Variants in CTNNA2 observed in about 807,000 individuals in gnomAD.
CTNNA2 encodes catenin alpha-2.
CTNNA2 carries 42 observed loss-of-function variants against 101.0 expected under a neutral mutation model. The ratio of observed to expected loss-of-function variants is 0.42; its 90% CI spans 0.32 to 0.54. The LOEUF (loss-of-function observed/expected upper bound fraction) is 0.54, where lower values mean the gene tolerates loss of function less well. CTNNA2 is among the 20% of genes least tolerant of loss of function. CTNNA2 has a pLI of 0.14. For missense variants in CTNNA2, 871 were observed against 1,223.1 expected (o/e 0.71, Z 4.29); for synonymous variants, 450 against 456.4 (o/e 0.99, Z 0.18).
At chr2:79,777,233 T>G (rs1253156057) in intron 3 of CTNNA2, 2 of 151,914 alleles carry the variant, frequency 1.3e-5, no homozygotes, top group Non-Finnish European at 2.9e-5. Flanking sequence ...CCTGGAAAAT[T>G]TAAGTGAAAG....
In CTNNA2 at chr2:79,847,863, C is replaced by T. The variant is rs185527656; in HGVS notation, c.299-10150C>T. 2.8e-3 allele frequency among the ~76,000 whole-genome samples: 424 copies of T among 152,220 alleles called. 4 individuals are homozygous for T. The highest frequency in any genetic ancestry group is 9.4e-3 in the African/African-American group (392 of 41,524). ...TAGATGCTAGCATGTTTGATGCTCG[C>T]GTTATCTCTGCTTGTCCAATCTAGA... On this transcript the variant is annotated intron_variant, in intron 3 of 18. Transcript: ENST00000402739.
chr2:79,829,653 G>A (rs1678752342), intron 3 of CTNNA2, among the ~76,000 whole-genome samples: 1 of 151,936 alleles, frequency 6.6e-6, no homozygotes, highest in Non-Finnish European at 1.5e-5. Context: ...TTTTAAAAAA[G>A]AGGAGTGCGT....
At chr2:79,328,713 C>T (rs1446343523) in intron 3 of CTNNA2, among the ~76,000 whole-genome samples, 1 of 152,094 alleles carries the variant, frequency 6.6e-6, no homozygotes, top group Non-Finnish European at 1.5e-5. Flanking sequence ...AAAGAAAGTC[C>T]TATTACAATG....
chr2:79,663,359 A>G (rs1682175691), intron 2 of CTNNA2, among the ~76,000 whole-genome samples: 1 of 152,230 alleles, frequency 6.6e-6, no homozygotes, highest in East Asian at 1.9e-4. Context: ...TTTTCATTGC[A>G]TTTGAGGATG....
intron 1 of CTNNA2, chr2:79,514,839 T>G (rs1375667577): frequency 3.9e-5 from 6 of 152,224 alleles, no homozygotes; most frequent in Admixed American, 1.3e-4. Flanking sequence ...AAATTAATGG[T>G]GGATTCTTTG....
At chr2:80,013,624 A>G (rs1457044244) in intron 7 of CTNNA2, among the ~76,000 whole-genome samples, 1 of 152,132 alleles carries the variant, frequency 6.6e-6, no homozygotes, top group Non-Finnish European at 1.5e-5. Flanking sequence ...TAGCACATCC[A>G]TCTAACCCTG....
At chr2:79,840,088 C>T (rs145474215) in intron 3 of CTNNA2, among the ~76,000 whole-genome samples, 2 of 152,280 alleles carry the variant, frequency 1.3e-5, no homozygotes, top group Non-Finnish European at 2.9e-5. Context: ...TCTCTACAGA[C>T]ACATGAAGAC....
intron 9 of CTNNA2, among the ~76,000 whole-genome samples, chr2:80,439,240 C>T (rs1017237979): frequency 2.6e-4 from 40 of 152,072 alleles, no homozygotes; most frequent in African/African-American, 9.4e-4. Flanking sequence ...CGACAAAGAC[C>T]GTCGGGAAAA....
At chr2:80,358,072 G>T (rs980212702) in intron 7 of CTNNA2, among the ~76,000 whole-genome samples, 12 of 152,154 alleles carry the variant, frequency 7.9e-5, no homozygotes, top group African/African-American at 2.9e-4. Flanking sequence ...GTGAACTGGG[G>T]AAACGTCTAT....
At chr2:79,649,149 C>G (rs576094420) in intron 1 of CTNNA2, 1 of 154,468 alleles carries the variant, frequency 6.5e-6, no homozygotes, top group South Asian at 2.0e-4. Flanking sequence ...TTGATGCATG[C>G]TAGATTCATG....
intron 7 of CTNNA2, among the ~76,000 whole-genome samples, chr2:79,956,854 T>C (rs12328311): frequency 1.7e-4 from 18 of 104,398 alleles, no homozygotes; most frequent in Non-Finnish European, 3.3e-4. Flanking sequence ...TTTTTTTTTT[T>C]TTTTTTTTTT....
chr2:80,632,989 G>A (rs997648610), intron 18 of CTNNA2, among the ~76,000 whole-genome samples: 2 of 152,158 alleles, frequency 1.3e-5, no homozygotes, highest in Non-Finnish European at 2.9e-5. Context: ...CCAAGACTTA[G>A]AGCCAGTTTC....
chr2:80,613,085 C>A (rs779009966), intron 17 of CTNNA2: 15 of 143,708 alleles, frequency 1.0e-4, no homozygotes, highest in Middle Eastern at 3.6e-3. Context: ...TGAGTAGTTA[C>A]CTTTTACAGA....
chr2:80,538,312 T>A (rs1031971836), intron 9 of CTNNA2, among the ~76,000 whole-genome samples: 4 of 152,218 alleles, frequency 2.6e-5, no homozygotes, highest in African/African-American at 7.2e-5. Flanking sequence ...GCCTATGTCC[T>A]GAATGGTATT....
chr2:80,310,738 G>A (rs765554189), intron 7 of CTNNA2, among the ~76,000 whole-genome samples: 10 of 152,096 alleles, frequency 6.6e-5, no homozygotes, highest in African/African-American at 2.2e-4. Flanking sequence ...TTGGGAGGCC[G>A]AGGCGGGTGG....
chr2:79,412,106 T>C lies in CTNNA2; in HGVS notation c.-135+38093T>C, dbSNP rs557584571. Among the ~76,000 whole-genome samples the C allele has an allele frequency of 3.2e-3, 493 of 152,044 alleles. 4 individuals are homozygous for C. Among genetic ancestry groups the C allele is most frequent in the African/African-American group, 0.011 (455 of 41,462 alleles). On this transcript the variant is annotated intron_variant, in intron 4 of 21. Transcript: ENST00000466387. ...CAGGGGTTGCAATCCTAGTCTCTGA[T>C]AAAACAGACTTTAAACCAACAAAGA... is the stretch of plus-strand genomic sequence containing the variant.
At chr2:79,610,296 C>T (rs961385789) in intron 1 of CTNNA2, among the ~76,000 whole-genome samples, 8 of 152,104 alleles carry the variant, frequency 5.3e-5, no homozygotes, top group Non-Finnish European at 1.2e-4. Flanking sequence ...TGTTTCTCTT[C>T]TACTCCCCTT....
intron 7 of CTNNA2, among the ~76,000 whole-genome samples, chr2:80,094,613 C>T (rs374069645): frequency 6.2e-4 from 95 of 152,080 alleles, no homozygotes; most frequent in Admixed American, 1.0e-3. Context: ...GCCATTTTCA[C>T]GATATTGATT....
At chr2:79,552,932 T>G (rs1348021721) in intron 1 of CTNNA2, among the ~76,000 whole-genome samples, 1 of 152,232 alleles carries the variant, frequency 6.6e-6, no homozygotes. Flanking sequence ...TCAAGGACTT[T>G]TCCCCATTAT....
Sources: allele counts gnomAD v4.1 joint callset (sites outside exome capture counted in the v4.1 genomes callset), GRCh38; gene constraint gnomAD v4.1.1; transcripts MANE v1.5; gene names NCBI Gene and HGNC (gene_info 2026-07-23, HGNC 2026-07-21).